STPG2: variants seen among roughly 807,000 people sequenced by gnomAD.
The protein encoded by STPG2 is sperm-tail PG-rich repeat-containing protein 2.
STPG2 carries 56 observed loss-of-function variants against 54.2 expected under a neutral mutation model. That is an observed-to-expected ratio of 1.03 (90% CI 0.83 to 1.29). STPG2 has a LOEUF of 1.29. Ranked by LOEUF, STPG2 falls within the 50% of genes most tolerant of loss-of-function variation. The probability of loss-of-function intolerance (pLI) is 0.00; values close to 1 mark genes in which losing one functional copy is unlikely to be tolerated. For synonymous variants in STPG2, 200 were observed against 181.8 expected, an observed-to-expected ratio of 1.10 and a Z score of -0.81; for missense variants, 596 against 544.9, an observed-to-expected ratio of 1.09 and a Z score of -0.93.
intron 5 of STPG2, among the ~76,000 whole-genome samples, chr4:98,097,151 C>A (rs1308676648): frequency 6.6e-6 from 1 of 152,132 alleles, no homozygotes; most frequent in Non-Finnish European, 1.5e-5. Flanking sequence ...ATACCAAAAT[C>A]AGACAAGGAC....
At chr4:97,962,370 T>A (rs958300970) in intron 7 of STPG2, among the ~76,000 whole-genome samples, 4 of 152,078 alleles carry the variant, frequency 2.6e-5, no homozygotes, top group Middle Eastern at 3.4e-3. Context: ...TAAAAAAAAA[T>A]TAAGTGGCAA....
intron 5 of STPG2, among the ~76,000 whole-genome samples, chr4:98,096,295 G>A (rs527400662): frequency 3.9e-4 from 60 of 152,138 alleles, no homozygotes; most frequent in Non-Finnish European, 4.3e-4. Flanking sequence ...TACTCAGGAA[G>A]CTGAGGTAGG....
At chr4:98,101,865 T>TCCCCCCCCC (rs34686297) in intron 5 of STPG2, among the ~76,000 whole-genome samples, 1 of 145,834 alleles carries the variant, frequency 6.9e-6, no homozygotes, top group Non-Finnish European at 1.5e-5. Context: ...TTCATTATCT[T>TCCCCCCCCC]CCCCCTCCCC....
intron 8 of STPG2, among the ~76,000 whole-genome samples, chr4:97,910,123 A>C (rs1426660252): frequency 2.0e-5 from 3 of 152,284 alleles, no homozygotes; most frequent in East Asian, 3.9e-4. Context: ...AGTTTTGTAG[A>C]GATTGTTATG....
intron 10 of STPG2, among the ~76,000 whole-genome samples, chr4:97,574,997 T>A (rs998169301): frequency 6.6e-6 from 1 of 151,904 alleles, no homozygotes; most frequent in Non-Finnish European, 1.5e-5. Flanking sequence ...CCTTAGAGAC[T>A]ACTATGAATG....
intron 9 of STPG2, among the ~76,000 whole-genome samples, chr4:97,720,647 G>T (rs547660789): frequency 3.2e-4 from 49 of 151,576 alleles, no homozygotes; most frequent in African/African-American, 5.3e-4. Flanking sequence ...ATTTTTTTTT[G>T]AATTAATTAC....
At chr4:98,041,215 T>C (rs1219994645) in intron 5 of STPG2, among the ~76,000 whole-genome samples, 5 of 151,892 alleles carry the variant, frequency 3.3e-5, no homozygotes, top group Admixed American at 6.6e-5. Flanking sequence ...ATTTATCAAA[T>C]GTTAAGAGTC....
chr4:98,048,431 C>T (rs10033994), intron 5 of STPG2: 60,024 of 152,046 alleles, frequency 0.39, 12,076 homozygotes, highest in Middle Eastern at 0.46. Context: ...CTTTTTGATG[C>T]AGAAAACAAA....
At chr4:97,951,793 G>A (rs1435269367) in intron 7 of STPG2, among the ~76,000 whole-genome samples, 1 of 152,094 alleles carries the variant, frequency 6.6e-6, no homozygotes, top group Non-Finnish European at 1.5e-5. Context: ...TTACTGGGTT[G>A]AACAACTCAG....
chr4:97,936,122 C>G (rs1732737608), intron 8 of STPG2, among the ~76,000 whole-genome samples: 1 of 152,174 alleles, frequency 6.6e-6, no homozygotes, highest in African/African-American at 2.4e-5. Flanking sequence ...CATCCCTTTA[C>G]CGTTATGTAA....
At chr4:97,700,173 GC>G (rs1723724243) in intron 10 of STPG2, among the ~76,000 whole-genome samples, 2 of 152,168 alleles carry the variant, frequency 1.3e-5, no homozygotes, top group Admixed American at 1.3e-4. Context: ...ATGGGGGACT[GC>G]CAAAGGCTCC....
chr4:97,727,206 G>C (rs1219327341), intron 9 of STPG2, among the ~76,000 whole-genome samples: 1 of 151,794 alleles, frequency 6.6e-6, no homozygotes, highest in Non-Finnish European at 1.5e-5. Context: ...GGCATATAAT[G>C]TGTATATGTA....
chr4:97,657,011 C>T (rs181333534), intron 10 of STPG2, among the ~76,000 whole-genome samples: 132 of 151,780 alleles, frequency 8.7e-4, no homozygotes, highest in African/African-American at 3.0e-3. Flanking sequence ...GTTTATTTTT[C>T]AATCATAGTT....
chr4:97,843,946 T>C (rs1728872110), intron 8 of STPG2, among the ~76,000 whole-genome samples: 1 of 151,796 alleles, frequency 6.6e-6, no homozygotes, highest in African/African-American at 2.4e-5. Context: ...TCAGAATTTG[T>C]ATGAAAAGGA....
At chr4:97,841,674 G>A (rs1275017412) in intron 8 of STPG2, among the ~76,000 whole-genome samples, 3 of 151,628 alleles carry the variant, frequency 2.0e-5, no homozygotes, top group Non-Finnish European at 4.4e-5. Context: ...TTCCCAGTAG[G>A]CAGGAAAGTG....
At chr4:97,448,518 A>G (rs1729284296) in intron 4 of STPG2, among the ~76,000 whole-genome samples, 1 of 152,054 alleles carries the variant, frequency 6.6e-6, no homozygotes, top group African/African-American at 2.4e-5. Flanking sequence ...TTCTCATGAC[A>G]TCTGATGATT....
chr4:97,927,932 G>A (rs1299681855), intron 8 of STPG2, among the ~76,000 whole-genome samples: 5 of 152,038 alleles, frequency 3.3e-5, no homozygotes, highest in Non-Finnish European at 7.4e-5. Context: ...GTGTTTTGTG[G>A]TTTTTAATAA....
chr4:97,899,582 C>G (rs531544515), intron 8 of STPG2, among the ~76,000 whole-genome samples: 41 of 150,768 alleles, frequency 2.7e-4, no homozygotes, highest in Admixed American at 9.3e-4. Flanking sequence ...TATTACAGGG[C>G]TACAGTAACC....
At chr4:98,005,185 T>A (rs1735539011) in intron 5 of STPG2, among the ~76,000 whole-genome samples, 1 of 152,266 alleles carries the variant, frequency 6.6e-6, no homozygotes, top group East Asian at 1.9e-4. Context: ...TCTTTCCAAC[T>A]TCTTCTGCCT....
Sources: gnomAD v4.1 joint callset for allele counts (sites outside exome capture counted in the v4.1 genomes callset) on GRCh38, gnomAD v4.1.1 for gene constraint, MANE v1.5 for transcripts, NCBI Gene and HGNC (gene_info 2026-07-23, HGNC 2026-07-21) for gene names.